The following CWC27 variants were observed in gnomAD, a reference collection of about 807,000 sequenced individuals.
CWC27 encodes the protein CWC27 spliceosome associated cyclophilin, also known as spliceosome-associated protein CWC27 homolog.
A neutral mutation model predicts 63.6 loss-of-function variants in CWC27; 47 were observed. The observed-to-expected ratio is 0.74, with a 90% CI of 0.58 to 0.94. The LOEUF is 0.94. Among genes scored for constraint, CWC27 ranks in the 40% least tolerant of loss-of-function variants. CWC27 has a pLI of 0.00. For synonymous variants in CWC27, 175 were observed against 179.8 expected (o/e 0.97, Z 0.22); for missense variants, 495 against 554.3 (o/e 0.89, Z 1.07).
chr5:64,926,296 T>C (rs1244557175), intron 11 of CWC27, among the ~76,000 whole-genome samples: 1 of 151,672 alleles, frequency 6.6e-6, no homozygotes, highest in Non-Finnish European at 1.5e-5. Flanking sequence ...CTTACTTTAA[T>C]AAGGAATTTT....
intron 10 of CWC27, among the ~76,000 whole-genome samples, chr5:64,873,544 T>A (rs1002840806): frequency 6.6e-6 from 1 of 151,926 alleles, no homozygotes; most frequent in Non-Finnish European, 1.5e-5. Context: ...TGGGTTTTTT[T>A]ATTGTTGTTT....
At chr5:65,000,580 G>C (rs748241992) in intron 13 of CWC27, among the ~76,000 whole-genome samples, 4 of 151,908 alleles carry the variant, frequency 2.6e-5, no homozygotes, top group Non-Finnish European at 5.9e-5. Flanking sequence ...TATTGAAGAG[G>C]GTGTCTTTTT....
intron 13 of CWC27, among the ~76,000 whole-genome samples, chr5:65,010,302 A>G (rs1010667358): frequency 6.6e-6 from 1 of 152,172 alleles, no homozygotes; most frequent in Admixed American, 6.5e-5. Flanking sequence ...GATACAGAGC[A>G]GGTCCTTTCA....
chr5:64,992,986 C>A (rs1749564996), intron 13 of CWC27, among the ~76,000 whole-genome samples: 1 of 152,134 alleles, frequency 6.6e-6, no homozygotes, highest in African/African-American at 2.4e-5. Context: ...CCTAATTATA[C>A]AGTGGGCTGT....
chr5:64,889,224 ATAT>A (rs1747161946), intron 11 of CWC27, among the ~76,000 whole-genome samples: 3 of 152,126 alleles, frequency 2.0e-5, no homozygotes, highest in Admixed American at 6.6e-5. Context: ...AAAAAAAAGG[ATAT>A]TAGTGTGGAA....
At chr5:64,970,958 AGTGTGTGTGT>A (rs57958257) in intron 11 of CWC27, among the ~76,000 whole-genome samples, 4,310 of 143,482 alleles carry the variant, frequency 0.03, 65 homozygotes, top group Non-Finnish European at 0.044. Flanking sequence ...AGAGAGAGGG[AGTGTGTGTGT>A]GTGTGTGTGT....
chr5:64,826,076 A>AATCTATCTATCTATCT lies in CWC27; in HGVS notation c.938+21714_938+21729dup, dbSNP rs148024057. On this transcript the variant is annotated intron_variant, in intron 10 of 13. Transcript: ENST00000381070. Reference sequence around the variant, plus strand: ...TTGTATAAGCTAATTCTTTGTAATAAATCTATCTATCTATCTATCTATCTA... The same window carrying AATCTATCTATCTATCT: ...TTGTATAAGCTAATTCTTTGTAATAAATCTATCTATCTATCTATCTATCTATCTATCTATCTATCTA... 6.5e-3 allele frequency among the ~76,000 whole-genome samples: 967 copies of AATCTATCTATCTATCT among 148,410 alleles called. 2 individuals are homozygous for AATCTATCTATCTATCT. The highest frequency in any genetic ancestry group is 0.024 in the East Asian group (119 of 4,984).
intron 3 of CWC27, among the ~76,000 whole-genome samples, chr5:64,782,483 T>TAAATAAATAAATAAA (rs1561403481): frequency 1.1e-4 from 17 of 151,406 alleles, no homozygotes; most frequent in Admixed American, 2.0e-4. Flanking sequence ...AATAAATAAA[T>TAAATAAATAAATAAA]TGTCTGTAAA....
At chr5:64,939,404 G>A (rs115661135) in intron 11 of CWC27, among the ~76,000 whole-genome samples, 4 of 152,278 alleles carry the variant, frequency 2.6e-5, no homozygotes, top group South Asian at 2.1e-4. Flanking sequence ...ATTTGTTGGA[G>A]GTCCACTCCA....
chr5:64,816,041 T>TTC (rs1446597752), intron 10 of CWC27, among the ~76,000 whole-genome samples: 8 of 152,156 alleles, frequency 5.3e-5, no homozygotes, highest in African/African-American at 1.9e-4. Context: ...ATTTTCTCTC[T>TTC]TTTTTTGCAG....
At chr5:64,800,994 G>C (rs1463630625) in intron 8 of CWC27, among the ~76,000 whole-genome samples, 1 of 151,998 alleles carries the variant, frequency 6.6e-6, no homozygotes, top group Non-Finnish European at 1.5e-5. Context: ...AATATTTCAA[G>C]CCAATAAAAG....
At chr5:64,912,671 A>G (rs1295494867) in intron 11 of CWC27, among the ~76,000 whole-genome samples, 1 of 152,204 alleles carries the variant, frequency 6.6e-6, no homozygotes, top group Non-Finnish European at 1.5e-5. Context: ...GCAGATAATC[A>G]TCATGAGTTT....
At chr5:64,981,693 T>G (rs1479786923) in intron 13 of CWC27, among the ~76,000 whole-genome samples, 1 of 152,234 alleles carries the variant, frequency 6.6e-6, no homozygotes, top group African/African-American at 2.4e-5. Context: ...TCTCAAGAAT[T>G]AATTAAGAAT....
intron 10 of CWC27, among the ~76,000 whole-genome samples, chr5:64,839,245 A>G (rs943678657): frequency 6.6e-6 from 1 of 152,208 alleles, no homozygotes; most frequent in African/African-American, 2.4e-5. Flanking sequence ...ATTTGTTGAG[A>G]AGAAACATTC....
At chr5:64,772,263 A>G (rs1329790895) in intron 1 of CWC27, among the ~76,000 whole-genome samples, 2 of 152,104 alleles carry the variant, frequency 1.3e-5, no homozygotes, top group Non-Finnish European at 2.9e-5. Flanking sequence ...ACCATCCATG[A>G]GCTGTGGGGA....
chr5:64,977,320 A>C, intron 13 of CWC27, 82 bp downstream of exon 13: 8 of 913,678 alleles, frequency 8.8e-6, no homozygotes, highest in African/African-American at 1.7e-5. Flanking sequence ...CCACTATATC[A>C]TCCTTTTGTT....
At chr5:64,931,462 ACT>A (rs200569028) in intron 11 of CWC27, among the ~76,000 whole-genome samples, 3,273 of 151,750 alleles carry the variant, frequency 0.022, 106 homozygotes, top group African/African-American at 0.076. Flanking sequence ...AAATTGATAA[ACT>A]CTTTTTTTTA....
chr5:64,821,080 A>G (rs1239312128), intron 10 of CWC27, among the ~76,000 whole-genome samples: 1 of 144,466 alleles, frequency 6.9e-6, no homozygotes, highest in African/African-American at 2.5e-5. Context: ...ATAAGAAAAC[A>G]AAGCAATTTT....
At chr5:64,870,870 T>C (rs180904474) in intron 10 of CWC27, among the ~76,000 whole-genome samples, 7 of 152,272 alleles carry the variant, frequency 4.6e-5, no homozygotes, top group African/African-American at 1.7e-4. Flanking sequence ...ATAAACTGAA[T>C]AATTATTTGC....
Sources: gnomAD v4.1 joint callset for allele counts (sites outside exome capture counted in the v4.1 genomes callset) on GRCh38, gnomAD v4.1.1 for gene constraint, MANE v1.5 for transcripts, NCBI Gene and HGNC (gene_info 2026-07-23, HGNC 2026-07-21) for gene names.